DNAH5: variants seen among roughly 807,000 people sequenced by gnomAD.
The protein encoded by DNAH5 is axonemal beta dynein heavy chain 5.
A neutral mutation model predicts 518.2 loss-of-function variants in DNAH5; 372 were observed. That is an observed-to-expected ratio of 0.72 (90% CI 0.66 to 0.78). The LOEUF is 0.78. Ranked by LOEUF, DNAH5 falls within the 30% of genes least tolerant of loss-of-function variation. The pLI is 0.00. For missense variants in DNAH5, 5,523 were observed against 5,687.0 expected, an observed-to-expected ratio of 0.97 and a Z score of 0.93; for synonymous variants, 2,039 against 2,025.9, an observed-to-expected ratio of 1.01 and a Z score of -0.17.
intron 17 of DNAH5, among the ~76,000 whole-genome samples, chr5:13,889,349 TGAG>T (rs1390971113): frequency 7.9e-5 from 12 of 152,060 alleles, no homozygotes; most frequent in Admixed American, 2.0e-4. Context: ...TTAGTGAATG[TGAG>T]GAGGAGGGAC....
Position 13,700,674 on chromosome 5 carries a change from C to G in DNAH5, c.13689G>C (p.Leu4563Phe), listed in dbSNP as rs374221053. 1.2e-4 allele frequency: 186 copies of G among 1,614,062 alleles called. No individual in the cohort carries two copies. Among genetic ancestry groups the G allele is most frequent in the Middle Eastern group, 1.6e-4 (1 of 6,084 alleles). The part of the protein sequence containing the change: ...IESKPKVLFE[L>F]MPVIRIYAEN... ...CTGCATAAATCCTTATGACAGGCAT[C>G]AACTCAAAGAGCACTTTTGGCTTTG... Residue 4563 changes from leucine to phenylalanine, a missense_variant, in exon 78 of 79, where the codon TTG becomes TTC. Around this residue, in one of 3 missense-constraint regions of DNAH5, gnomAD observed 387 missense variants for 430.0 expected, o/e 0.90. Transcript: ENST00000265104.
At chr5:13,919,527 C>T (rs893865847) in intron 6 of DNAH5, 175 bp from the exon 7 acceptor site, 24 of 652,120 alleles carry the variant, frequency 3.7e-5, no homozygotes, top group Non-Finnish European at 4.3e-5. Context: ...ATTTTTAAAA[C>T]TTCAACGAAA....
At chr5:13,719,233 A>T in intron 71 of DNAH5, 132 bp from the exon 72 acceptor site, 1 of 792,670 alleles carries the variant, frequency 1.3e-6, no homozygotes, top group Non-Finnish European at 2.1e-6. Context: ...ATCCAGGTCA[A>T]ATCTAAGAAA....
chr5:13,836,068 T>C (rs1264823447), intron 35 of DNAH5, among the ~76,000 whole-genome samples: 1 of 152,158 alleles, frequency 6.6e-6, no homozygotes, highest in Non-Finnish European at 1.5e-5. Flanking sequence ...AGGTGATGTA[T>C]TCACAGGCTT....
intron 11 of DNAH5, among the ~76,000 whole-genome samples, chr5:13,912,689 T>A (rs13189765): frequency 0.43 from 65,388 of 150,560 alleles, 14,979 homozygotes; most frequent in East Asian, 0.85. Context: ...GTTATATAAA[T>A]TGTCTAAAAC....
chr5:13,883,696 C>G (rs1249428478), intron 19 of DNAH5, among the ~76,000 whole-genome samples: 1 of 152,074 alleles, frequency 6.6e-6, no homozygotes, highest in Admixed American at 6.6e-5. Context: ...CATAACTTTA[C>G]GTAGTTGCAA....
chr5:13,822,655 T>C (rs1167616510), intron 40 of DNAH5, among the ~76,000 whole-genome samples: 1 of 152,316 alleles, frequency 6.6e-6, no homozygotes, highest in East Asian at 1.9e-4. Flanking sequence ...CTCTTCTTCA[T>C]AGAAAAAGAA....
chr5:13,701,267 C>T lies in DNAH5; in HGVS notation c.13491+17G>A. 6.2e-7 allele frequency: 1 copy of T among 1,613,830 alleles called. No individual in the cohort carries two copies. Among genetic ancestry groups the T allele is most frequent in the Non-Finnish European group, 8.5e-7 (1 of 1,179,920 alleles). On this transcript the variant is annotated intron_variant, in intron 77 of 78. Transcript: ENST00000265104. ...GAAAATTATAATAACGCAACGGGTG[C>T]AAATCAGAGCTCTTACCTGTCGCAT...
At chr5:13,986,400 G>T (rs1783057604) in intron 1 of DNAH5, among the ~76,000 whole-genome samples, 1 of 152,154 alleles carries the variant, frequency 6.6e-6, no homozygotes, top group South Asian at 2.1e-4. Flanking sequence ...GGGTTGACTG[G>T]ATCAGAGGAG....
In DNAH5 at chr5:13,792,364, CTT is replaced by C. The variant is rs377238975; in HGVS notation, c.8225-149_8225-148del. 9.4e-4 allele frequency: 625 copies of C among 667,284 alleles called. 5 individuals are homozygous for C. In the African/African-American group the frequency reaches 9.8e-3, roughly 11 times the overall value. The allele number at this position is 667,284 out of a possible 1,614,324, so 41.3% of individuals were successfully genotyped here. ...TAAAAGAAAAGTATGTTAATGTTCT[CTT>C]GTTTTTTCAAATACAGTATAACAAA... On this transcript the variant is annotated intron_variant, in intron 49 of 78. Coordinates refer to ENST00000265104, the MANE Select transcript of DNAH5 (RefSeq NM_001369.3).
chr5:13,709,211 C>A (rs1743179923), intron 75 of DNAH5, among the ~76,000 whole-genome samples: 1 of 151,994 alleles, frequency 6.6e-6, no homozygotes, highest in Non-Finnish European at 1.5e-5. Flanking sequence ...GTACAAAAGA[C>A]ACAAAATGCT....
intron 55 of DNAH5, 133 bp from the exon 56 acceptor site, chr5:13,771,113 T>C (rs569633626): frequency 1.8e-5 from 14 of 760,982 alleles, no homozygotes; most frequent in African/African-American, 1.7e-4. Context: ...TAGGTAGATC[T>C]GTGTCAGCAT....
chr5:13,958,837 A>T (rs897327272), intron 1 of DNAH5, among the ~76,000 whole-genome samples: 2 of 152,242 alleles, frequency 1.3e-5, no homozygotes, highest in African/African-American at 4.8e-5. Flanking sequence ...TAACAAAATT[A>T]ATCATTAGAA....
In DNAH5 at chr5:13,767,108, A is replaced by G. The variant is rs1316248808; in HGVS notation, c.9898-929T>C. On this transcript the variant is annotated intron_variant, in intron 58 of 78. Coordinates refer to ENST00000265104, the MANE Select transcript of DNAH5 (RefSeq NM_001369.3). ...AATTACATACCTTGAAAAGGTTTGT[A>G]TATATATATAGTTTTGCTTTTGTTT... Among the ~76,000 whole-genome samples, 6 of 152,140 alleles carry G rather than the reference A, an allele frequency of 3.9e-5. No homozygotes were observed. The East Asian group carries it at 5.8e-4, about 15-fold the overall frequency.
intron 56 of DNAH5, among the ~76,000 whole-genome samples, chr5:13,770,028 A>C (rs1753117134): frequency 6.6e-6 from 1 of 152,232 alleles, no homozygotes; most frequent in Non-Finnish European, 1.5e-5. Flanking sequence ...ATGTGGGCTT[A>C]AGAAACCAAT....
At position 13,762,806 on chromosome 5, in the gene DNAH5, T is replaced by G. The variant is rs756720477; in HGVS notation, c.10197A>C (p.Val3399=). 4 of 1,614,170 alleles carry G rather than the reference T, an allele frequency of 2.5e-6. No homozygotes were observed. In the Admixed American group the frequency reaches 6.7e-5, roughly 27 times the overall value. The change falls in exon 60 of 79, where the codon GTA becomes GTC. Residue 3399 remains valine, a synonymous_variant. Transcript: ENST00000265104. ...AACAAAGACCAGCTACATTTCCACA[T>G]ACGCGTTTAGCAGTTTCGATGTTAT... The part of the protein sequence containing the change: ...PDYNIETAKR[V]CGNVAGLCSW...
intron 52 of DNAH5, among the ~76,000 whole-genome samples, chr5:13,782,891 G>A (rs959023040): frequency 6.6e-6 from 1 of 152,188 alleles, no homozygotes; most frequent in African/African-American, 2.4e-5. Context: ...AGATTGTGAG[G>A]TGGAGGTATG....
rs190205705 is a variant in DNAH5 at position 13,755,342 on chromosome 5, T to C, written c.10420-1004A>G. On this transcript the variant is annotated intron_variant, in intron 61 of 78. Transcript: ENST00000265104. ...AGTGTATCCATGAATAAGAATACTC[T>C]GAAGCCATAAAAAAATCCTATAAAA... Among the ~76,000 whole-genome samples, 167 of 152,208 alleles carry C rather than the reference T, an allele frequency of 1.1e-3. 2 individuals carry two copies. The highest frequency in any genetic ancestry group is 9.2e-3 in the Admixed American group (141 of 15,278).
At chr5:13,865,969 A>C in intron 26 of DNAH5, 63 bp from the exon 27 acceptor site, 1 of 1,227,112 alleles carries the variant, frequency 8.1e-7, no homozygotes, top group East Asian at 2.3e-5. Flanking sequence ...TACAAATGAA[A>C]ATATAAGATT....
Sources: allele counts gnomAD v4.1 joint callset (sites outside exome capture counted in the v4.1 genomes callset), GRCh38; gene constraint gnomAD v4.1.1; regional missense constraint gnomAD v4.1.1; transcripts MANE v1.5; gene names NCBI Gene and HGNC (gene_info 2026-07-23, HGNC 2026-07-21).